The following BCORL1 variants were observed in gnomAD, a reference collection of about 807,000 sequenced individuals.
BCORL1 encodes BCL6 corepressor like 1, also known as BCL-6 corepressor-like protein 1.
BCORL1 carries 7 observed loss-of-function variants against 87.6 expected under a neutral mutation model. The ratio of observed to expected loss-of-function variants is 0.08; its 90% CI spans 0.05 to 0.15. The LOEUF (loss-of-function observed/expected upper bound fraction) is 0.15. BCORL1 is among the 10% of genes least tolerant of loss of function. BCORL1 has a pLI of 1.00. For synonymous variants in BCORL1, 591 were observed against 634.4 expected, an observed-to-expected ratio of 0.93 and a Z score of 1.03; for missense variants, 1,215 against 1,499.7, an observed-to-expected ratio of 0.81 and a Z score of 3.13.
At chrX:130,025,760 G>A (rs1470896979) in intron 7 of BCORL1, among the ~76,000 whole-genome samples, 1 of 110,943 alleles carries the variant, frequency 9.0e-6, no homozygotes, top group Non-Finnish European at 1.9e-5. Context: ...TTGGGTTCAA[G>A]AAGACAGAGG....
At chrX:129,997,462 C>G (rs1040722474) in intron 1 of BCORL1, among the ~76,000 whole-genome samples, 1 of 111,014 alleles carries the variant, frequency 9.0e-6, no homozygotes, top group Non-Finnish European at 1.9e-5. Flanking sequence ...CTTCCACTAC[C>G]CGCTCGCCCT....
At chrX:129,996,686 T>C (rs184395535) in intron 1 of BCORL1, among the ~76,000 whole-genome samples, 22 of 111,878 alleles carry the variant, frequency 2.0e-4, no homozygotes, top group Admixed American at 1.7e-3. Context: ...TGGCGTGATC[T>C]TAGCTCACTG....
chrX:130,010,486 C>T (rs1928859250), intron 2 of BCORL1: 1 of 108,953 alleles, frequency 9.2e-6, no homozygotes, highest in Non-Finnish European at 1.9e-5. Context: ...TCCTTACAGT[C>T]ATTTCTGTTT....
chrX:130,012,484 G>C, intron 2 of BCORL1, 94 bp from the exon 3 acceptor site: 1 of 711,989 alleles, frequency 1.4e-6, no homozygotes, highest in Non-Finnish European at 2.2e-6. Context: ...AGGTTTTATG[G>C]GGACCCAGGC....
At chrX:130,034,743 A>T (rs1002133348) in intron 9 of BCORL1, 67 bp downstream of exon 9, 31 of 817,730 alleles carry the variant, frequency 3.8e-5, no homozygotes, top group Non-Finnish European at 4.7e-5. Context: ...GCTTTTCTCC[A>T]TGGGCTCTTC....
intron 9 of BCORL1, among the ~76,000 whole-genome samples, chrX:130,036,322 G>A (rs1477509923): frequency 1.8e-5 from 2 of 109,249 alleles, no homozygotes; most frequent in African/African-American, 3.3e-5. Context: ...GTGCAACGGT[G>A]CAATCTCGGC....
chrX:130,030,580 G>A (rs1219227652), intron 8 of BCORL1, among the ~76,000 whole-genome samples: 1 of 110,619 alleles, frequency 9.0e-6, no homozygotes, highest in Non-Finnish European at 1.9e-5. Context: ...TCTGAATGGG[G>A]GGCTTCTGTT....
chrX:130,037,330 CCT>C (rs756637783), intron 9 of BCORL1, 35 bp from the exon 10 acceptor site: 1 of 1,189,508 alleles, frequency 8.4e-7, no homozygotes, highest in Non-Finnish European at 1.1e-6. Context: ...AAGAATTAGA[CCT>C]CTCTTTGCTC....
At chrX:130,043,723 C>T (rs1387032476) in intron 11 of BCORL1, among the ~76,000 whole-genome samples, 21 of 89,329 alleles carry the variant, frequency 2.4e-4, no homozygotes, top group African/African-American at 8.0e-4. Context: ...TACAGGCGCC[C>T]GCCACCATGC....
chrX:130,040,266 A>G (rs1931231097), intron 11 of BCORL1, among the ~76,000 whole-genome samples: 1 of 112,072 alleles, frequency 8.9e-6, no homozygotes, highest in Non-Finnish European at 1.9e-5. Context: ...TTAGCCCCGA[A>G]CCTCTATACC....
chrX:130,015,444 C>T lies in BCORL1; in HGVS notation c.2672C>T (p.Pro891Leu), dbSNP rs1929345609. The T allele has an allele frequency of 5.8e-6, 7 of 1,212,316 alleles. No homozygotes were observed. The highest frequency in any genetic ancestry group is 7.8e-6 in the Non-Finnish European group (7 of 895,638). ...VHGLPEGQPR[P>L]GGSFVPEQDP... ...GGACTTCCTGAGGGGCAACCACGGC[C>T]TGGGGGCTCCTTCGTTCCAGAGCAG... Residue 891 changes from proline to leucine, a missense_variant, in exon 4 of 14, where the codon CCT (proline) becomes CTT (leucine). Transcript: ENST00000540052.
In BCORL1 at chrX:130,013,619, G is replaced by C; in HGVS notation, c.847G>C (p.Val283Leu). ...CCTTTCTGTTTCGGCCTCAGTCTTGGTGCCTGTGCCAGCTTCTGCTCCCCC... is the reference window on the plus strand; with the variant it reads ...CCTTTCTGTTTCGGCCTCAGTCTTGCTGCCTGTGCCAGCTTCTGCTCCCCC... ...NPLSVSASVL[V>L]PVPASAPPSG... Residue 283 changes from valine (V) to leucine (L), a missense_variant, in exon 4 of 14, where the codon GTG (valine) becomes CTG (leucine). Transcript: ENST00000540052. 1 of 1,210,887 alleles carries C rather than the reference G, an allele frequency of 8.3e-7. No homozygotes were observed. The highest frequency in any genetic ancestry group is 1.1e-6 in the Non-Finnish European group (1 of 895,339).
chrX:130,033,815 C>T (rs959980666), intron 8 of BCORL1, among the ~76,000 whole-genome samples: 5 of 110,544 alleles, frequency 4.5e-5, no homozygotes, highest in African/African-American at 1.6e-4. Context: ...AAACCCCTCT[C>T]TACTAAAAAT....
At chrX:130,031,089 C>G (rs988709198) in intron 8 of BCORL1, among the ~76,000 whole-genome samples, 1 of 113,083 alleles carries the variant, frequency 8.8e-6, no homozygotes, top group African/African-American at 3.2e-5. Flanking sequence ...TCTTGCTCCT[C>G]CCCCTCCCAG....
chrX:130,023,071 C>T lies in BCORL1; in HGVS notation c.3688+94C>T, dbSNP rs141109836. 5.1e-4 allele frequency: 397 copies of T among 780,764 alleles called. 1 individual carries two copies. Among genetic ancestry groups the T allele is most frequent in the Admixed American group, 6.6e-4 (28 of 42,242 alleles). 64.3% of individuals were successfully genotyped at this position (780,764 alleles called of 1,213,427 possible). A position where few individuals can be genotyped will look rare whatever the true frequency, so the allele number is the denominator to read the frequency against. On this transcript the variant is annotated intron_variant, in intron 6 of 13. Coordinates refer to ENST00000540052, the MANE Select transcript of BCORL1 (RefSeq NM_001379451.1). ...GCAGTTTTACCATGGGCCCAGGTGT[C>T]GAGTTGGGAATTTGATTCACTGTGC...
At chrX:129,985,796 G>A (rs1340379676) in intron 1 of BCORL1, among the ~76,000 whole-genome samples, 1 of 111,341 alleles carries the variant, frequency 9.0e-6, no homozygotes, top group Non-Finnish European at 1.9e-5. Flanking sequence ...GACTAAAATT[G>A]ACCTTAAGAG....
At chrX:130,038,393 G>T (rs997205666) in intron 10 of BCORL1, among the ~76,000 whole-genome samples, 1 of 111,013 alleles carries the variant, frequency 9.0e-6, no homozygotes, top group Non-Finnish European at 1.9e-5. Flanking sequence ...TCTGCCTGGC[G>T]TGTGGAGCCC....
At chrX:129,996,455 G>A (rs767290529) in intron 1 of BCORL1, among the ~76,000 whole-genome samples, 7 of 111,167 alleles carry the variant, frequency 6.3e-5, no homozygotes, top group Non-Finnish European at 1.3e-4. Flanking sequence ...TGTCTTGATG[G>A]TAGAGTCCAA....
chrX:130,017,646 G>GTT (rs1325113903), intron 4 of BCORL1, among the ~76,000 whole-genome samples: 4 of 98,187 alleles, frequency 4.1e-5, no homozygotes, highest in African/African-American at 1.1e-4. Flanking sequence ...CTCTCTTTTT[G>GTT]TTTTTTTTTT....
Sources: allele counts gnomAD v4.1 joint callset (sites outside exome capture counted in the v4.1 genomes callset), GRCh38; gene constraint gnomAD v4.1.1; transcripts MANE v1.5; gene names NCBI Gene and HGNC (gene_info 2026-07-23, HGNC 2026-07-21).